The following ZNF180 variants were observed in gnomAD, a reference collection of about 807,000 sequenced individuals.
ZNF180 encodes the protein zinc finger protein 180.
A neutral mutation model predicts 11.8 loss-of-function variants in ZNF180; 11 were observed. That is an observed-to-expected ratio of 0.93 (90% confidence interval 0.59 to 1.55). The LOEUF is 1.55. Among genes scored for constraint, ZNF180 ranks in the 40% most tolerant of loss-of-function variants. ZNF180 has a pLI of 0.00. For synonymous variants in ZNF180, 287 were observed against 257.7 expected, an observed-to-expected ratio of 1.11 and a Z score of -1.09; for missense variants, 773 against 781.7, an observed-to-expected ratio of 0.99 and a Z score of 0.13.
chr19:44,494,920 G>A (rs541267392), intron 2 of ZNF180, among the ~76,000 whole-genome samples: 9 of 152,260 alleles, frequency 5.9e-5, no homozygotes, highest in Admixed American at 3.9e-4. Context: ...CTAGGTATGC[G>A]TAGTGGTATT....
chr19:44,478,078 T>G lies in ZNF180; in HGVS notation c.322A>C (p.Asn108His). Residue 108 changes from asparagine (N) to histidine (H), a missense_variant, in exon 5 of 5, where the codon AAT becomes CAT. Asn to His is a moderately conservative substitution (Grantham distance 68, BLOSUM62 1). Coordinates refer to ENST00000592529, the MANE Select transcript of ZNF180 (RefSeq NM_001278509.3). ...GTAAACCTTTCTATCTTCACTCCAT[T>G]AGCTGGTTCTTCATCAAAAATCCTC... ...KQRIFDEEPA[N>H]GVKIERFTRD... 1 of 1,604,974 alleles carries G rather than the reference T, an allele frequency of 6.2e-7. No homozygotes were observed. Among genetic ancestry groups the G allele is most frequent in the Non-Finnish European group, 8.5e-7 (1 of 1,174,874 alleles).
chr19:44,500,005 A>G (rs1200549365), intron 1 of ZNF180, among the ~76,000 whole-genome samples: 2 of 152,176 alleles, frequency 1.3e-5, no homozygotes, highest in East Asian at 1.9e-4. Context: ...CCTTACATCA[A>G]TGCATGTGCC....
rs1970509234 is a variant in ZNF180 at position 44,493,793 on chromosome 19, C to T, written c.51+3491G>A. Among the ~76,000 whole-genome samples the T allele has an allele frequency of 2.0e-5, 3 of 152,100 alleles. No homozygotes were observed. The South Asian group carries it at 6.2e-4, about 32-fold the overall frequency. On this transcript the variant is annotated intron_variant, in intron 2 of 4. Transcript: ENST00000592529. Reference sequence around the variant, plus strand: ...TGGGATCACCTGCTCTGGCAGAAATCCACTGCTATGCTGTGAACGCCCTGG... The same window carrying T: ...TGGGATCACCTGCTCTGGCAGAAATTCACTGCTATGCTGTGAACGCCCTGG...
intron 2 of ZNF180, chr19:44,484,692 C>T: frequency 1.9e-6 from 1 of 522,214 alleles, no homozygotes; most frequent in Non-Finnish European, 3.5e-6. Flanking sequence ...CAGCCCATTG[C>T]AGCTAAATGC....
chr19:44,488,458 G>A (rs1292977315), intron 2 of ZNF180, among the ~76,000 whole-genome samples: 2 of 152,198 alleles, frequency 1.3e-5, no homozygotes, highest in African/African-American at 4.8e-5. Context: ...GTGGAGACGG[G>A]GTTTCGCTGT....
At chr19:44,481,867 C>A (rs1159200425) in intron 3 of ZNF180, among the ~76,000 whole-genome samples, 3 of 152,300 alleles carry the variant, frequency 2.0e-5, no homozygotes, top group Admixed American at 1.3e-4. Context: ...ACCACATACC[C>A]ATTTGAAAAG....
In ZNF180 at chr19:44,476,323, T is replaced by C. The variant is rs937060215; in HGVS notation, c.*79A>G. The C allele has an allele frequency of 1.9e-5, 25 of 1,329,098 alleles. No homozygotes were observed. In the Admixed American group the frequency reaches 4.7e-4, roughly 25 times the overall value. The allele number at this position is 1,329,098 out of a possible 1,614,324, so 82.3% of individuals were successfully genotyped here. On this transcript the variant is annotated 3_prime_UTR_variant, in exon 5 of 5. Transcript: ENST00000592529. The stretch of plus-strand genomic sequence containing the variant: ...CATATATTGTTTTTATAGTAGTTCT[T>C]CCAACTACATGTACTACCTTAAAAT...
chr19:44,486,726 A>G (rs2123467115), intron 2 of ZNF180, among the ~76,000 whole-genome samples: 1 of 152,218 alleles, frequency 6.6e-6, no homozygotes, highest in East Asian at 1.9e-4. Context: ...CAACACAGTG[A>G]GGCTCCCCTG....
intron 3 of ZNF180, among the ~76,000 whole-genome samples, chr19:44,480,975 A>T (rs2571047): frequency 0.52 from 78,512 of 152,018 alleles, 21,003 homozygotes; most frequent in South Asian, 0.69. Flanking sequence ...TTCAAATAAC[A>T]GTTCTGTTTC....
intron 3 of ZNF180, among the ~76,000 whole-genome samples, 169 bp downstream of exon 3, chr19:44,484,192 G>C (rs1970159783): frequency 6.6e-6 from 1 of 151,830 alleles, no homozygotes; most frequent in South Asian, 2.1e-4. Flanking sequence ...TAGAGACGGG[G>C]TTTCACCGTG....
At chr19:44,487,764 G>A (rs958101372) in intron 2 of ZNF180, among the ~76,000 whole-genome samples, 5 of 152,258 alleles carry the variant, frequency 3.3e-5, no homozygotes, top group Non-Finnish European at 7.4e-5. Context: ...GTCTCGCGCT[G>A]TCCCCAGGCT....
rs757311075 is a variant in ZNF180, at chr19:44,477,062, T to C, written c.1338A>G (p.Ser446=). 3.1e-6 allele frequency: 5 copies of C among 1,614,098 alleles called. No individual in the cohort carries two copies. Among genetic ancestry groups the C allele is most frequent in the Non-Finnish European group, 4.2e-6 (5 of 1,180,014 alleles). Residue 446 remains serine, a synonymous_variant, in exon 5 of 5, where the codon TCA becomes TCG. Coordinates refer to ENST00000592529, the MANE Select transcript of ZNF180 (RefSeq NM_001278509.3). ...CAATAAGTTTATAGCTCTGGATAAA[T>C]GATTTCCCACATTGATTACATTCAT... ...KPYECNQCGK[S]FIQSYKLIAH... is the part of the protein sequence containing the mutation.
Position 44,479,268 on chromosome 19 carries a change from GGA to G in ZNF180, c.253+13_253+14del. On this transcript the variant is annotated intron_variant, in intron 4 of 4. Coordinates refer to ENST00000592529, the MANE Select transcript of ZNF180 (RefSeq NM_001278509.3). ...TCAGTAGATGGATCTTCATTAAAGA[GGA>G]GTGTATTCTTACCCCAAGAGACTAG... is the stretch of plus-strand genomic sequence containing the variant. 3 of 1,608,308 alleles carry G rather than the reference GGA, an allele frequency of 1.9e-6. No individual in the cohort carries two copies. The highest frequency in any genetic ancestry group is 2.7e-5 in the African/African-American group (2 of 74,512).
chr19:44,500,391 G>C lies in ZNF180; in HGVS notation c.-160C>G, dbSNP rs1189068214. 4.5e-6 allele frequency: 4 copies of C among 896,640 alleles called. No homozygotes were observed. In the East Asian group the frequency reaches 1.0e-4, roughly 22 times the overall value. 55.5% of individuals were successfully genotyped at this position (896,640 alleles called of 1,614,324 possible). A position where few individuals can be genotyped will look rare whatever the true frequency, so the allele number is the denominator to read the frequency against. On this transcript the variant is annotated 5_prime_UTR_variant, in exon 1 of 5. Transcript: ENST00000592529. Reference sequence around the variant, plus strand: ...ACCCCCTGCCCCGATTCTGCAACACGGCCGACTCGGGTTAAGCTAGTTCGG... The same window carrying C: ...ACCCCCTGCCCCGATTCTGCAACACCGCCGACTCGGGTTAAGCTAGTTCGG...
chr19:44,497,581 C>T (rs1008199572), intron 1 of ZNF180, among the ~76,000 whole-genome samples: 5 of 152,120 alleles, frequency 3.3e-5, no homozygotes, highest in African/African-American at 1.2e-4. Flanking sequence ...GTTTCTGCAG[C>T]TCCAACCTGG....
chr19:44,498,881 G>A lies in ZNF180; in HGVS notation c.-44+1394C>T, dbSNP rs540793639. On this transcript the variant is annotated intron_variant, in intron 1 of 4. Transcript: ENST00000592529. ...CCTCTATTCCACAGCCACTGCACAC[G>A]GGCCACCCACCTAGACTCCCTCCTA... Among the ~76,000 whole-genome samples the A allele has an allele frequency of 2.0e-5, 3 of 152,184 alleles. No individual in the cohort carries two copies. In the East Asian group the frequency reaches 5.8e-4, roughly 29 times the overall value.
At position 44,495,067 on chromosome 19, in the gene ZNF180, C is replaced by T. The variant is rs1168344616; in HGVS notation, c.51+2217G>A. ...AAACCATGAGCCCACAATAAAACCTCCAATTCCCACTGCACACCAGAGTCC... is the reference window on the plus strand; with the variant it reads ...AAACCATGAGCCCACAATAAAACCTTCAATTCCCACTGCACACCAGAGTCC... On this transcript the variant is annotated intron_variant, in intron 2 of 4. Coordinates refer to ENST00000592529, the MANE Select transcript of ZNF180 (RefSeq NM_001278509.3). This position sits in a 1 kb window ranked among gnomAD's most constrained non-coding sequence, Gnocchi z 4.5. Among the ~76,000 whole-genome samples the T allele has an allele frequency of 6.6e-6, 1 of 152,192 alleles. No homozygotes were observed. Among genetic ancestry groups the T allele is most frequent in the African/African-American group, 2.4e-5 (1 of 41,438 alleles).
At chr19:44,490,104 G>T (rs73040422) in intron 2 of ZNF180, among the ~76,000 whole-genome samples, 1 of 54,682 alleles carries the variant, frequency 1.8e-5, no homozygotes, top group Non-Finnish European at 4.5e-5. Flanking sequence ...AAGAGCGAAA[G>T]GAAGGGAAAG....
chr19:44,475,134 T>C lies in ZNF180; in HGVS notation c.*1268A>G, dbSNP rs944572913. 1.3e-5 allele frequency: 2 copies of C among 152,228 alleles called. No homozygotes were observed. The highest frequency in any genetic ancestry group is 4.8e-5 in the African/African-American group (2 of 41,464). 9.4% of individuals were successfully genotyped at this position (152,228 alleles called of 1,614,324 possible). ...TGGTCATCCACAGGATTCAAATTCA[T>C]GATTCAAGGGAAAGGTCAGAAAGAC... On this transcript the variant is annotated 3_prime_UTR_variant, in exon 5 of 5. Transcript: ENST00000592529.
Sources: allele counts gnomAD v4.1 joint callset (sites outside exome capture counted in the v4.1 genomes callset), GRCh38; gene constraint gnomAD v4.1.1; non-coding constraint Gnocchi (gnomAD v3.1); transcripts MANE v1.5; gene names NCBI Gene and HGNC (gene_info 2026-07-23, HGNC 2026-07-21).